FES: variants seen among roughly 807,000 people sequenced by gnomAD.
The protein encoded by FES is tyrosine-protein kinase Fes/Fps.
FES carries 83 observed loss-of-function variants against 109.6 expected under a neutral mutation model. The ratio of observed to expected loss-of-function variants is 0.76; its 90% CI spans 0.63 to 0.91. The LOEUF (loss-of-function observed/expected upper bound fraction) is 0.91, where lower values mean the gene tolerates loss of function less well. Ranked by LOEUF, FES falls within the 40% of genes least tolerant of loss-of-function variation. The pLI is 0.00. For synonymous variants in FES, 458 were observed against 442.1 expected (o/e 1.04, Z -0.45); for missense variants, 943 against 1,070.9 (o/e 0.88, Z 1.67).
In FES at chr15:90,891,651, T is replaced by G. The variant is rs1044029006; in HGVS notation, c.1628T>G (p.Val543Gly). Reference protein sequence around the residue: ...TQQPLTKKSGVVLHRAVPKDK... With the variant: ...TQQPLTKKSGGVLHRAVPKDK... ...CAGCCCCTCACCAAGAAGAGTGGTG[T>G]TGTCCTGCACAGGGCTGTGCCCAAG... Residue 543 changes from valine (V) to glycine (G), a missense_variant, in exon 12 of 19, where the codon GTT (valine) becomes GGT (glycine). Coordinates refer to ENST00000328850, the MANE Select transcript of FES (RefSeq NM_002005.4). The G allele has an allele frequency of 1.2e-6, 2 of 1,613,848 alleles. No individual in the cohort carries two copies. The highest frequency in any genetic ancestry group is 4.5e-5 in the East Asian group (2 of 44,876).
Position 90,890,209 on chromosome 15 carries a change from G to T in FES, c.1167G>T (p.Glu389Asp). The T allele has an allele frequency of 6.2e-7, 1 of 1,601,612 alleles. No homozygotes were observed. Among genetic ancestry groups the T allele is most frequent in the Non-Finnish European group, 8.5e-7 (1 of 1,179,072 alleles). The change falls in exon 9 of 19, where the codon GAG becomes GAT. Residue 389 changes from glutamate to aspartate, a missense_variant. Physicochemically the swap from Glu to Asp is conservative, Grantham distance 45. Transcript: ENST00000328850. ...AGGAGTTGCTGCAGACCAAGCTGGAGCACCTGGGCCCCGGCGAGCCCCCGC... is the reference window on the plus strand; with the variant it reads ...AGGAGTTGCTGCAGACCAAGCTGGATCACCTGGGCCCCGGCGAGCCCCCGC... The part of the protein sequence containing the change: ...AQQELLQTKL[E>D]HLGPGEPPPV...
At chr15:90,894,109 C>G (rs768235297) in intron 18 of FES, 51 bp downstream of exon 18, 7 of 1,601,720 alleles carry the variant, frequency 4.4e-6, no homozygotes, top group Non-Finnish European at 6.0e-6. Flanking sequence ...CTTCCAGATG[C>G]TCCAGCCGGA....
chr15:90,889,893 G>T lies in FES; in HGVS notation c.980G>T (p.Arg327Leu), dbSNP rs144946287. 3.7e-6 allele frequency: 6 copies of T among 1,613,554 alleles called. No homozygotes were observed. The highest frequency in any genetic ancestry group is 1.6e-4 in the Middle Eastern group (1 of 6,062). ...LAVATEMVFR[R>L]QEMVTQLQQE... The stretch of plus-strand genomic sequence containing the variant: ...GTGGCCACCGAGATGGTGTTCAGGC[G>T]GCAGGAGATGGTTACGCAGCTGCAA... The change falls in exon 8 of 19, where the codon CGG becomes CTG. Residue 327 changes from arginine (R) to leucine (L), a missense_variant. By Grantham distance (102) the Arg-to-Leu change is moderately radical. Coordinates refer to ENST00000328850, the MANE Select transcript of FES (RefSeq NM_002005.4). The surrounding 1 kb of genome is among the most constrained non-coding windows in gnomAD (Gnocchi z 6.1).
intron 11 of FES, 162 bp from the exon 12 acceptor site, chr15:90,891,392 G>A (rs2033199724): frequency 9.1e-7 from 1 of 1,101,918 alleles, no homozygotes; most frequent in Non-Finnish European, 1.3e-6. Flanking sequence ...CCCTGGTGGG[G>A]CAGCAGGATG....
At chr15:90,888,105 T>C (rs759718324) in intron 5 of FES, among the ~76,000 whole-genome samples, 1 of 152,154 alleles carries the variant, frequency 6.6e-6, no homozygotes, top group Non-Finnish European at 1.5e-5. Flanking sequence ...TTTTGTTTCA[T>C]TTTGTTTTAA....
rs1170471078 is a variant in FES, at chr15:90,889,530, G to A, written c.820G>A (p.Val274Ile). 1.6e-5 allele frequency: 26 copies of A among 1,613,726 alleles called. No homozygotes were observed. The highest frequency in any genetic ancestry group is 5.0e-5 in the Admixed American group (3 of 59,996). The change falls in exon 7 of 19, where the codon GTC becomes ATC. Residue 274 changes from valine (V) to isoleucine (I), a missense_variant. Coordinates refer to ENST00000328850, the MANE Select transcript of FES (RefSeq NM_002005.4). The surrounding 1 kb of genome is among the most constrained non-coding windows in gnomAD (Gnocchi z 6.1). Reference sequence around the variant, plus strand: ...TGTCCCCCACAGGTCCGCACCTGACGTCCCACCCTGTGTCACGTTCGATGA... The same window carrying A: ...TGTCCCCCACAGGTCCGCACCTGACATCCCACCCTGTGTCACGTTCGATGA... ...FLRQYGSAPD[V>I]PPCVTFDESL...
At chr15:90,887,127 GA>G in intron 4 of FES, 59 bp from the exon 5 acceptor site, 1 of 1,612,326 alleles carries the variant, frequency 6.2e-7, no homozygotes, top group Non-Finnish European at 8.5e-7. Flanking sequence ...GGTACCCAGA[GA>G]GTGGGGGCTG....
In FES at chr15:90,894,012, CT is replaced by C; in HGVS notation, c.2281del (p.Tyr761IlefsTer77). The C allele has an allele frequency of 5.6e-6, 9 of 1,613,904 alleles. No homozygotes were observed. The highest frequency in any genetic ancestry group is 6.8e-6 in the Non-Finnish European group (8 of 1,179,994). On this transcript the variant is annotated frameshift_variant, in exon 18 of 19. Coordinates refer to ENST00000328850, the MANE Select transcript of FES (RefSeq NM_002005.4). LOFTEE classifies it high-confidence loss of function. ...AGACCTTCAGCCTGGGGGCCTCCCC[CT>C]ATCCCAACCTCAGCAATCAGCAGAC... ...WETFSLGASP[Y>X]PNLSNQQTRE...
Position 90,885,260 on chromosome 15 carries a change from T to G in FES, c.213+2T>G, listed in dbSNP as rs2151240914. On this transcript the variant is annotated splice_donor_variant, in intron 2 of 18. Transcript: ENST00000328850. LOFTEE classifies it high-confidence loss of function. ...AGCCCTGACAGCCCCATCAGTCAGG[T>G]GGGTCTCTATGGGACTCTGGTGGGT... 1 of 1,611,030 alleles carries G rather than the reference T, an allele frequency of 6.2e-7. No homozygotes were observed. Among genetic ancestry groups the G allele is most frequent in the African/African-American group, 1.3e-5 (1 of 74,782 alleles).
At chr15:90,884,962 C>A in intron 1 of FES, 75 bp from the exon 2 acceptor site, 1 of 1,263,674 alleles carries the variant, frequency 7.9e-7, no homozygotes, top group Non-Finnish European at 1.1e-6. Context: ...CCCTACAGTC[C>A]CCAGTCTCCT....
chr15:90,885,468 C>T lies in FES; in HGVS notation c.270C>T (p.His90=), dbSNP rs753424394. The part of the protein sequence containing the change: ...TEGLSRLLRQ[H]AEDLNSGPLS... Reference sequence around the variant, plus strand: ...GCCTGAGCCGCTTGCTGCGGCAGCACGCAGAGGATCTGAACTCAGGGCCCC... The same window carrying T: ...GCCTGAGCCGCTTGCTGCGGCAGCATGCAGAGGATCTGAACTCAGGGCCCC... Residue 90 remains histidine (H), a synonymous_variant, in exon 3 of 19, where the codon CAC becomes CAT. Transcript: ENST00000328850. 56 of 1,613,256 alleles carry T rather than the reference C, an allele frequency of 3.5e-5. No individual in the cohort carries two copies. Among genetic ancestry groups the T allele is most frequent in the African/African-American group, 1.9e-4 (14 of 74,934 alleles).
At chr15:90,893,886 C>A (rs2033469713) in intron 17 of FES, 50 bp from the exon 18 acceptor site, 2 of 1,610,908 alleles carry the variant, frequency 1.2e-6, no homozygotes, top group Admixed American at 1.7e-5. Context: ...CTCGCCCTGG[C>A]CCCAGGGAGG....
intron 15 of FES, 47 bp from the exon 16 acceptor site, chr15:90,893,244 G>C: frequency 6.2e-7 from 1 of 1,613,212 alleles, no homozygotes; most frequent in Non-Finnish European, 8.5e-7. Context: ...CTGGTCAGGT[G>C]GCAGCCTTAC....
intron 16 of FES, 62 bp from the exon 17 acceptor site, chr15:90,893,592 T>C: frequency 6.6e-7 from 1 of 1,518,158 alleles, no homozygotes; most frequent in Non-Finnish European, 8.8e-7. Context: ...TTTCCTAGAG[T>C]GTTCAGCCAG....
At chr15:90,886,854 A>G in intron 3 of FES, 107 bp from the exon 4 acceptor site, 2 of 966,450 alleles carry the variant, frequency 2.1e-6, no homozygotes, top group Admixed American at 2.1e-5. Flanking sequence ...AGAAGTCTCC[A>G]GGTGCTCCTT....
chr15:90,890,427 A>G lies in FES; in HGVS notation c.1263A>G (p.Thr421=). The change falls in exon 10 of 19, where the codon ACA becomes ACG. Residue 421 remains threonine (T), a synonymous_variant. Coordinates refer to ENST00000328850, the MANE Select transcript of FES (RefSeq NM_002005.4). ...AGCAGGAGCGAGAGGGGGGAAGGAC[A>G]CCCACGCTGGAGATCCTTAAGAGCC... is the stretch of plus-strand genomic sequence containing the variant. ...SSEQEREGGR[T]PTLEILKSHI... is the part of the protein sequence containing the mutation. 6.2e-7 allele frequency: 1 copy of G among 1,611,778 alleles called. No homozygotes were observed. Among genetic ancestry groups the G allele is most frequent in the Non-Finnish European group, 8.5e-7 (1 of 1,179,770 alleles).
intron 13 of FES, chr15:90,892,370 A>C: frequency 1.7e-6 from 1 of 591,914 alleles, no homozygotes; most frequent in East Asian, 2.8e-5. Flanking sequence ...TCTTGTGTGC[A>C]CGCAGGGAGA....
chr15:90,886,381 A>C (rs573776026), intron 3 of FES, among the ~76,000 whole-genome samples: 2 of 152,360 alleles, frequency 1.3e-5, no homozygotes, highest in South Asian at 2.1e-4. Context: ...TTTATTTACT[A>C]TCTGGCCCTT....
Position 90,893,982 on chromosome 15 carries a change from C to A in FES, c.2250C>A (p.Leu750=), listed in dbSNP as rs746290660. ...ACGTGTGGAGCTTTGGCATCTTGCT[C>A]TGGGAGACCTTCAGCCTGGGGGCCT... The part of the protein sequence containing the change: ...ESDVWSFGIL[L]WETFSLGASP... Residue 750 remains leucine, a synonymous_variant, in exon 18 of 19, where the codon CTC becomes CTA. Coordinates refer to ENST00000328850, the MANE Select transcript of FES (RefSeq NM_002005.4). 1.2e-6 allele frequency: 2 copies of A among 1,613,880 alleles called. No individual in the cohort carries two copies. Among genetic ancestry groups the A allele is most frequent in the Non-Finnish European group, 1.7e-6 (2 of 1,179,992 alleles).
Sources: gnomAD v4.1 joint callset for allele counts (sites outside exome capture counted in the v4.1 genomes callset) on GRCh38, gnomAD v4.1.1 for gene constraint, Gnocchi (gnomAD v3.1) non-coding constraint, MANE v1.5 for transcripts, NCBI Gene and HGNC (gene_info 2026-07-23, HGNC 2026-07-21) for gene names.